CRYBG1: variants seen among roughly 807,000 people sequenced by gnomAD.
CRYBG1 encodes beta/gamma crystallin domain-containing protein 1.
CRYBG1 carries 139 observed loss-of-function variants against 189.2 expected under a neutral mutation model. The ratio of observed to expected loss-of-function variants is 0.73; its 90% CI spans 0.64 to 0.85. The LOEUF is 0.85. Among genes scored for constraint, CRYBG1 ranks in the 40% least tolerant of loss-of-function variants. CRYBG1 has a pLI of 0.00. For missense variants in CRYBG1, 2,611 were observed against 2,675.8 expected (o/e 0.98, Z 0.53); for synonymous variants, 1,023 against 1,017.1 (o/e 1.01, Z -0.11).
intron 21 of CRYBG1, among the ~76,000 whole-genome samples, chr6:106,565,235 C>T (rs931551576): frequency 6.6e-5 from 10 of 151,940 alleles, no homozygotes; most frequent in South Asian, 2.1e-4. Flanking sequence ...GCAGGAGAAT[C>T]GCGTCAACCC....
Position 106,512,526 on chromosome 6 carries a change from C to T in CRYBG1, c.1409C>T (p.Pro470Leu), listed in dbSNP as rs746285066. 6.2e-6 allele frequency: 10 copies of T among 1,609,512 alleles called. No individual in the cohort carries two copies. The highest frequency in any genetic ancestry group is 7.6e-6 in the Non-Finnish European group (9 of 1,178,560). ...NASAEKKVKS[P>L]RAALDGGVAS... ...TCGGCGGAAAAGAAAGTGAAATCTC[C>T]GCGGGCAGCCCTCGACGGGGGCGTT... Residue 470 changes from proline to leucine, a missense_variant, in exon 3 of 22, where the codon CCG (proline) becomes CTG (leucine). This residue lies in a region of CRYBG1 where 985 missense variants were observed against 924.4 expected (regional missense o/e 1.07). Coordinates refer to ENST00000633556, the MANE Select transcript of CRYBG1 (RefSeq NM_001371242.2).
intron 2 of CRYBG1, among the ~76,000 whole-genome samples, chr6:106,493,485 G>A (rs958373872): frequency 2.6e-5 from 4 of 151,866 alleles, no homozygotes; most frequent in African/African-American, 9.7e-5. Context: ...CCAGTCTCAG[G>A]GTGTATATAT....
At chr6:106,436,330 G>A (rs113691070) in intron 1 of CRYBG1, among the ~76,000 whole-genome samples, 4 of 142,106 alleles carry the variant, frequency 2.8e-5, no homozygotes, top group African/African-American at 1.0e-4. Flanking sequence ...ACGGAGTCTC[G>A]CTCTGTTGCC....
chr6:106,461,962 C>A lies in CRYBG1; in HGVS notation c.312+10130C>A, dbSNP rs116427359. On this transcript the variant is annotated intron_variant, in intron 2 of 21. Coordinates refer to ENST00000633556, the MANE Select transcript of CRYBG1 (RefSeq NM_001371242.2). ...TGAGGTAAGTCCTTGATGAGGAAAT[C>A]CTTCTGAGGCATTGATTTGTCCAAT... is the stretch of plus-strand genomic sequence containing the variant. 6.8e-3 allele frequency among the ~76,000 whole-genome samples: 1,041 copies of A among 152,198 alleles called. 9 individuals carry two copies. The highest frequency in any genetic ancestry group is 0.024 in the African/African-American group (995 of 41,514).
chr6:106,457,841 C>T (rs1351664729), intron 2 of CRYBG1, among the ~76,000 whole-genome samples: 1 of 152,104 alleles, frequency 6.6e-6, no homozygotes, highest in Non-Finnish European at 1.5e-5. Flanking sequence ...GCTGATCCAA[C>T]AGGTCAAATA....
chr6:106,415,534 G>C (rs958818092), intron 1 of CRYBG1, among the ~76,000 whole-genome samples: 1 of 151,506 alleles, frequency 6.6e-6, no homozygotes, highest in African/African-American at 2.4e-5. Flanking sequence ...GACAAGCCTG[G>C]GTAACGTGGA....
At chr6:106,481,869 A>G (rs744899) in intron 2 of CRYBG1, among the ~76,000 whole-genome samples, 59,559 of 152,072 alleles carry the variant, frequency 0.39, 12,799 homozygotes, top group East Asian at 0.75. Flanking sequence ...TAGTCCTGGG[A>G]TAGGATACTA....
intron 21 of CRYBG1, among the ~76,000 whole-genome samples, chr6:106,566,151 C>T (rs1774878719): frequency 7.0e-6 from 1 of 143,114 alleles, no homozygotes; most frequent in African/African-American, 2.7e-5. Context: ...GTGCTAGACA[C>T]GGAGGGCACC....
chr6:106,423,584 TC>T (rs151129312), intron 1 of CRYBG1, among the ~76,000 whole-genome samples: 178 of 152,202 alleles, frequency 1.2e-3, no homozygotes, highest in African/African-American at 4.1e-3. Flanking sequence ...AGTGAACTTT[TC>T]CAGTTGAACT....
At chr6:106,556,749 T>A (rs2642469) in intron 17 of CRYBG1, among the ~76,000 whole-genome samples, 1 of 152,112 alleles carries the variant, frequency 6.6e-6, no homozygotes, top group Non-Finnish European at 1.5e-5. Context: ...TAGTTTTAAA[T>A]GTAGGAAGAA....
At chr6:106,377,799 AG>A (rs1480611311) in intron 1 of CRYBG1, among the ~76,000 whole-genome samples, 1 of 152,068 alleles carries the variant, frequency 6.6e-6, no homozygotes, top group Non-Finnish European at 1.5e-5. Context: ...GGTATAAATA[AG>A]TATAATTTAC....
intron 2 of CRYBG1, among the ~76,000 whole-genome samples, chr6:106,506,932 C>T (rs1202875249): frequency 1.3e-5 from 2 of 152,206 alleles, no homozygotes; most frequent in East Asian, 1.9e-4. Context: ...ATTCATGATT[C>T]GGCCAGCTTC....
At chr6:106,436,676 T>TAG (rs36005940) in intron 1 of CRYBG1, among the ~76,000 whole-genome samples, 79,021 of 151,790 alleles carry the variant, frequency 0.52, 20,877 homozygotes, top group South Asian at 0.73. Flanking sequence ...TTCCATAATA[T>TAG]GGACATGCAA....
At chr6:106,416,999 C>CTTTTTTTTTTTTTTTTTT (rs71663353) in intron 1 of CRYBG1, among the ~76,000 whole-genome samples, 2 of 69,504 alleles carry the variant, frequency 2.9e-5, no homozygotes, top group African/African-American at 6.4e-5. Flanking sequence ...ATGGGATTTA[C>CTTTTTTTTTTTTTTTTTT]TTTTTTTTTT....
At chr6:106,500,197 G>T (rs557367860) in intron 2 of CRYBG1, among the ~76,000 whole-genome samples, 1 of 152,176 alleles carries the variant, frequency 6.6e-6, no homozygotes, top group South Asian at 2.1e-4. Context: ...AAGCAGGATT[G>T]CTGGCAGTTC....
At chr6:106,455,125 T>G (rs1210506089) in intron 2 of CRYBG1, among the ~76,000 whole-genome samples, 1 of 152,234 alleles carries the variant, frequency 6.6e-6, no homozygotes, top group Non-Finnish European at 1.5e-5. Context: ...AAACAAGTTT[T>G]CCTTTAAACA....
In CRYBG1 at chr6:106,518,700, G is replaced by A. The variant is rs137973571; in HGVS notation, c.1923-431G>A. Among the ~76,000 whole-genome samples, 1,173 of 152,312 alleles carry A rather than the reference G, an allele frequency of 7.7e-3. 15 individuals are homozygous for A. The highest frequency in any genetic ancestry group is 0.013 in the Non-Finnish European group (873 of 68,020). ...TGGCAGAGAATGGTGGCTCATGCCT[G>A]TAATCCCAGCACTTGGGGAGGCCAA... is the stretch of plus-strand genomic sequence containing the variant. On this transcript the variant is annotated intron_variant, in intron 3 of 21. Coordinates refer to ENST00000633556, the MANE Select transcript of CRYBG1 (RefSeq NM_001371242.2).
At chr6:106,390,808 C>T (rs944606015) in intron 1 of CRYBG1, among the ~76,000 whole-genome samples, 4 of 152,084 alleles carry the variant, frequency 2.6e-5, no homozygotes, top group Non-Finnish European at 4.4e-5. Flanking sequence ...TTTATACATG[C>T]TATTACCATT....
In CRYBG1 at chr6:106,512,164, G is replaced by A. The variant is rs4945755; in HGVS notation, c.1047G>A (p.Glu349=). The change falls in exon 3 of 22, where the codon GAG becomes GAA. Residue 349 remains glutamate, a synonymous_variant. Coordinates refer to ENST00000633556, the MANE Select transcript of CRYBG1 (RefSeq NM_001371242.2). ...ATTTGCCAGGTGAGCCTCCGGCCGA[G>A]GGCGCAGCGCACACGGCCAGCTCCG... ...ASDLPGEPPA[E]GAAHTASSAQ... 266,077 of 1,534,386 alleles carry A rather than the reference G, an allele frequency of 0.17. 27,826 individuals carry two copies. Among genetic ancestry groups the A allele is most frequent in the East Asian group, 0.53 (21,537 of 40,842 alleles).
Sources: gnomAD v4.1 joint callset for allele counts (sites outside exome capture counted in the v4.1 genomes callset) on GRCh38, gnomAD v4.1.1 for gene constraint, gnomAD v4.1.1 regional missense constraint, MANE v1.5 for transcripts, NCBI Gene and HGNC (gene_info 2026-07-23, HGNC 2026-07-21) for gene names.